CCDC158: variants seen among roughly 807,000 people sequenced by gnomAD.
CCDC158 encodes the protein coiled-coil domain containing 158.
In CCDC158, 116 loss-of-function variants were observed where a neutral mutation model predicts 138.6. The ratio of observed to expected loss-of-function variants is 0.84; its 90% CI spans 0.72 to 0.98. CCDC158 has a LOEUF of 0.98. Among genes scored for constraint, CCDC158 ranks in the 50% least tolerant of loss-of-function variants. The pLI is 0.00. For synonymous variants in CCDC158, 436 were observed against 442.4 expected, an observed-to-expected ratio of 0.99 and a Z score of 0.18; for missense variants, 1,265 against 1,306.1, an observed-to-expected ratio of 0.97 and a Z score of 0.48.
At chr4:76,359,464 G>A (rs1723917589) in intron 13 of CCDC158, among the ~76,000 whole-genome samples, 1 of 152,342 alleles carries the variant, frequency 6.6e-6, no homozygotes, top group East Asian at 1.9e-4. Flanking sequence ...TTGTTAAATT[G>A]TTGTGACCAG....
chr4:76,394,782 G>A (rs1162457983), intron 4 of CCDC158, among the ~76,000 whole-genome samples: 1 of 151,188 alleles, frequency 6.6e-6, no homozygotes, highest in African/African-American at 2.4e-5. Flanking sequence ...TAAAAAAAAA[G>A]AAAGAAGATA....
intron 9 of CCDC158, among the ~76,000 whole-genome samples, chr4:76,372,178 C>T (rs1725311516): frequency 6.6e-6 from 1 of 152,202 alleles, no homozygotes; most frequent in Non-Finnish European, 1.5e-5. Flanking sequence ...GGCACAATGG[C>T]CCATGCCTGT....
chr4:76,334,130 G>T lies in CCDC158; in HGVS notation c.2702C>A (p.Thr901Lys). ...TKANTLKEDPTRDLKQLLQEL... is the reference protein window; with the variant it reads ...TKANTLKEDPKRDLKQLLQEL... ...TTGGAGAAGCTGTTTCAGGTCCCTT[G>T]TTGGATCTTCCTTCAGTGTGTTAGC... The change falls in exon 19 of 25, where the codon ACA (threonine) becomes AAA (lysine). Residue 901 changes from threonine to lysine, a missense_variant. Thr to Lys is a moderately conservative substitution (Grantham distance 78, BLOSUM62 -1). Coordinates refer to ENST00000682701, the MANE Select transcript of CCDC158 (RefSeq NM_001394954.1). 1 of 1,613,304 alleles carries T rather than the reference G, an allele frequency of 6.2e-7. No homozygotes were observed. The highest frequency in any genetic ancestry group is 8.5e-7 in the Non-Finnish European group (1 of 1,179,506).
chr4:76,382,555 T>C (rs1364905768), intron 8 of CCDC158, 55 bp downstream of exon 8: 8 of 1,073,694 alleles, frequency 7.5e-6, no homozygotes, highest in Non-Finnish European at 1.1e-5. Context: ...AGAAAGTTAA[T>C]GAGAATAATA....
rs62300853 is a variant in CCDC158 at position 76,348,117 on chromosome 4, A to G, written c.2664+2879T>C. On this transcript the variant is annotated intron_variant, in intron 18 of 24. Transcript: ENST00000682701. ...GGAGAAGGGGCAAACAAGCTCTCTC[A>G]AGCCTGTTTTATAAAAGGGCACTAA... Among the ~76,000 whole-genome samples, 309 of 152,146 alleles carry G rather than the reference A, an allele frequency of 2.0e-3. 1 individual carries two copies. Among genetic ancestry groups the G allele is most frequent in the Admixed American group, 3.1e-3 (48 of 15,284 alleles).
At chr4:76,364,671 G>T (rs1724485542) in intron 12 of CCDC158, among the ~76,000 whole-genome samples, 1 of 152,074 alleles carries the variant, frequency 6.6e-6, no homozygotes, top group South Asian at 2.1e-4. Context: ...AACTGACCTA[G>T]ATCCTTCCGA....
Position 76,374,889 on chromosome 4 carries a change from G to A in CCDC158, c.1030-3353C>T, listed in dbSNP as rs1387157413. 2.6e-5 allele frequency among the ~76,000 whole-genome samples: 4 copies of A among 151,366 alleles called. 1 individual carries two copies. The highest frequency in any genetic ancestry group is 2.1e-4 in the South Asian group (1 of 4,812). ...ATTAAAAAAAGAAAGAAAAAGAAAC[G>A]AGCCAAGTCTTATCTTTCCATCTGT... On this transcript the variant is annotated intron_variant, in intron 9 of 24. Coordinates refer to ENST00000682701, the MANE Select transcript of CCDC158 (RefSeq NM_001394954.1).
rs1726372017 is a variant in CCDC158 at position 76,382,612 on chromosome 4, A to C, written c.912T>G (p.Ile304Met). Residue 304 changes from isoleucine (I) to methionine (M), a missense_variant and splice_region_variant, in exon 8 of 25, where the codon ATT becomes ATG. Physicochemically the swap from Ile to Met is conservative, Grantham distance 10. Coordinates refer to ENST00000682701, the MANE Select transcript of CCDC158 (RefSeq NM_001394954.1). ...ACTAACAGTTTCAAACCACATACTG[A>C]ATGATTTCCATTTGACTCTGGATAC... The part of the protein sequence containing the change: ...ANSIQSQMEI[I>M]QEQARNQNSM... 6.3e-7 allele frequency: 1 copy of C among 1,586,928 alleles called. No homozygotes were observed. Among genetic ancestry groups the C allele is most frequent in the Non-Finnish European group, 8.7e-7 (1 of 1,155,938 alleles).
chr4:76,414,243 C>T (rs1201910390), intron 1 of CCDC158: 1 of 152,156 alleles, frequency 6.6e-6, no homozygotes, highest in Non-Finnish European at 1.5e-5. Context: ...TATATGTTTA[C>T]AGTCGTATTA....
At chr4:76,412,580 C>T (rs918604817) in intron 1 of CCDC158, among the ~76,000 whole-genome samples, 5 of 152,188 alleles carry the variant, frequency 3.3e-5, no homozygotes, top group South Asian at 2.1e-4. Context: ...GGGGAAACCC[C>T]GTCTCTACTA....
intron 21 of CCDC158, among the ~76,000 whole-genome samples, chr4:76,329,452 C>T (rs890164773): frequency 6.6e-5 from 10 of 152,012 alleles, no homozygotes; most frequent in Non-Finnish European, 1.2e-4. Context: ...GGCGAGGTGG[C>T]GGGAACCTGT....
intron 18 of CCDC158, chr4:76,344,897 AG>A (rs1354583810): frequency 6.4e-7 from 1 of 1,550,412 alleles, no homozygotes; most frequent in Non-Finnish European, 8.9e-7. Flanking sequence ...CCTAAGTGTT[AG>A]GTGGAAAAAT....
chr4:76,369,333 T>C (rs567580475), intron 11 of CCDC158, 93 bp downstream of exon 11: 7 of 1,228,690 alleles, frequency 5.7e-6, no homozygotes, highest in Middle Eastern at 2.8e-4. Context: ...TAGGTCCATA[T>C]ATGTTAAAAA....
chr4:76,333,424 TA>T (rs891487890), intron 19 of CCDC158, among the ~76,000 whole-genome samples: 31 of 152,216 alleles, frequency 2.0e-4, no homozygotes, highest in African/African-American at 6.5e-4. Flanking sequence ...TCTGAAAGAA[TA>T]GGAGACTCCC....
chr4:76,327,995 C>T lies in CCDC158; in HGVS notation c.3010+905G>A, dbSNP rs867364560. On this transcript the variant is annotated intron_variant, in intron 22 of 24. Transcript: ENST00000682701. The stretch of plus-strand genomic sequence containing the variant: ...AAAAATTCCTTTTGTGTAATTTTCT[C>T]CATGGCTATAATTTCAGTCACATCT... 1.3e-4 allele frequency among the ~76,000 whole-genome samples: 20 copies of T among 152,232 alleles called. No homozygotes were observed. The South Asian group carries it at 1.9e-3, about 14-fold the overall frequency.
intron 21 of CCDC158, among the ~76,000 whole-genome samples, 186 bp downstream of exon 21, chr4:76,331,158 A>T (rs915446181): frequency 1.3e-5 from 2 of 152,266 alleles, no homozygotes; most frequent in African/African-American, 4.8e-5. Context: ...TTTTCCAGGC[A>T]GTCCGTCAAA....
chr4:76,327,982 T>G (rs1720678521), intron 22 of CCDC158, among the ~76,000 whole-genome samples: 1 of 152,208 alleles, frequency 6.6e-6, no homozygotes. Flanking sequence ...AAATTCCTTT[T>G]GTGTAATTTT....
intron 22 of CCDC158, among the ~76,000 whole-genome samples, chr4:76,328,267 C>T (rs1720702167): frequency 6.6e-6 from 1 of 152,146 alleles, no homozygotes; most frequent in Non-Finnish European, 1.5e-5. Context: ...TTATTCAGCA[C>T]CTGCTATGTG....
At chr4:76,329,532 C>T (rs916694476) in intron 21 of CCDC158, among the ~76,000 whole-genome samples, 7 of 152,020 alleles carry the variant, frequency 4.6e-5, no homozygotes, top group Non-Finnish European at 1.0e-4. Flanking sequence ...TGCAGTGAGC[C>T]GAGATCACGC....
Sources: allele counts gnomAD v4.1 joint callset (sites outside exome capture counted in the v4.1 genomes callset), GRCh38; gene constraint gnomAD v4.1.1; transcripts MANE v1.5; gene names NCBI Gene and HGNC (gene_info 2026-07-23, HGNC 2026-07-21).